The following PPP4R3A variants were observed in gnomAD, a reference collection of about 807,000 sequenced individuals.
The protein encoded by PPP4R3A is serine/threonine-protein phosphatase 4 regulatory subunit 3A.
PPP4R3A carries 15 observed loss-of-function variants against 91.7 expected under a neutral mutation model. The ratio of observed to expected loss-of-function variants is 0.16; its 90% CI spans 0.11 to 0.25. The LOEUF (loss-of-function observed/expected upper bound fraction) is 0.25, where lower values mean the gene tolerates loss of function less well. PPP4R3A is among the 10% of genes least tolerant of loss of function. The probability of loss-of-function intolerance (pLI) is 1.00; values close to 1 mark genes in which losing one functional copy is unlikely to be tolerated. For missense variants in PPP4R3A, 623 were observed against 998.4 expected (o/e 0.62, Z 5.07); for synonymous variants, 377 against 348.7 (o/e 1.08, Z -0.91).
At chr14:91,489,154 G>A (rs769611661) in intron 2 of PPP4R3A, among the ~76,000 whole-genome samples, 6 of 151,988 alleles carry the variant, frequency 3.9e-5, no homozygotes, top group East Asian at 1.9e-4. Flanking sequence ...TGATCCGCCT[G>A]CCTCGGCCTC....
At chr14:91,470,650 T>C (rs899913384) in intron 10 of PPP4R3A, among the ~76,000 whole-genome samples, 187 bp downstream of exon 10, 1 of 152,190 alleles carries the variant, frequency 6.6e-6, no homozygotes, top group African/African-American at 2.4e-5. Flanking sequence ...CCTTACTGTA[T>C]ATTAAGTAAG....
At chr14:91,459,343 C>T (rs1275036822) in intron 14 of PPP4R3A, among the ~76,000 whole-genome samples, 2 of 152,104 alleles carry the variant, frequency 1.3e-5, no homozygotes, top group African/African-American at 2.4e-5. Context: ...TGACCTCAGG[C>T]GATCCACCTA....
chr14:91,470,029 C>T (rs180785975), intron 10 of PPP4R3A, among the ~76,000 whole-genome samples: 4 of 152,070 alleles, frequency 2.6e-5, no homozygotes, highest in Admixed American at 2.0e-4. Context: ...CTAATTAGTG[C>T]ATGACTATGA....
At chr14:91,497,912 G>A (rs1890680665) in intron 1 of PPP4R3A, among the ~76,000 whole-genome samples, 1 of 152,190 alleles carries the variant, frequency 6.6e-6, no homozygotes, top group Admixed American at 6.5e-5. Flanking sequence ...TTTTCAAAAT[G>A]ATACTACAAG....
intron 1 of PPP4R3A, among the ~76,000 whole-genome samples, chr14:91,497,701 TA>T (rs1330104833): frequency 6.6e-6 from 1 of 152,232 alleles, no homozygotes; most frequent in Non-Finnish European, 1.5e-5. Flanking sequence ...CATCTTCACC[TA>T]CCCAACTTTT....
At chr14:91,490,868 A>C in intron 1 of PPP4R3A, 66 bp from the exon 2 acceptor site, 2 of 822,840 alleles carry the variant, frequency 2.4e-6, no homozygotes, top group Non-Finnish European at 3.7e-6. Context: ...TCCCTTACAT[A>C]CACACATATT....
chr14:91,480,459 T>C (rs1332109517), intron 4 of PPP4R3A, among the ~76,000 whole-genome samples: 1 of 152,188 alleles, frequency 6.6e-6, no homozygotes, highest in Non-Finnish European at 1.5e-5. Flanking sequence ...TAGGGATACA[T>C]GCAGTTATAA....
chr14:91,497,999 A>C (rs896718747), intron 1 of PPP4R3A, among the ~76,000 whole-genome samples: 16 of 152,212 alleles, frequency 1.1e-4, no homozygotes, highest in Non-Finnish European at 7.3e-5. Context: ...GAAGCAGATG[A>C]GAATCTTTCT....
At chr14:91,503,916 G>A (rs1308189694) in intron 1 of PPP4R3A, among the ~76,000 whole-genome samples, 1 of 152,156 alleles carries the variant, frequency 6.6e-6, no homozygotes, top group Non-Finnish European at 1.5e-5. Flanking sequence ...CATAAAAACT[G>A]AGAGAAATAA....
chr14:91,507,404 T>TG (rs1566660288), intron 1 of PPP4R3A, among the ~76,000 whole-genome samples: 1 of 78,318 alleles, frequency 1.3e-5, no homozygotes, highest in Non-Finnish European at 2.3e-5. Context: ...TGTACTATAA[T>TG]TATATATACT....
Position 91,462,029 on chromosome 14 carries a change from C to T in PPP4R3A, c.2164+20G>A. The T allele has an allele frequency of 1.3e-6, 2 of 1,482,400 alleles. No individual in the cohort carries two copies. The highest frequency in any genetic ancestry group is 1.8e-6 in the Non-Finnish European group (2 of 1,117,272). 91.8% of individuals were successfully genotyped at this position (1,482,400 alleles called of 1,614,324 possible). A position where few individuals can be genotyped will look rare whatever the true frequency, so the allele number is the denominator to read the frequency against. ...GTAAGAAAGCCTTAATTTTCTCTTGCCCATTTTTTTCCAACATACATTTCT... is the reference window on the plus strand; with the variant it reads ...GTAAGAAAGCCTTAATTTTCTCTTGTCCATTTTTTTCCAACATACATTTCT... On this transcript the variant is annotated intron_variant, in intron 13 of 14. Coordinates refer to ENST00000554943, the MANE Select transcript of PPP4R3A (RefSeq NM_001366432.2).
intron 14 of PPP4R3A, among the ~76,000 whole-genome samples, chr14:91,459,419 T>G (rs1340786075): frequency 2.0e-5 from 3 of 151,774 alleles, no homozygotes; most frequent in African/African-American, 7.3e-5. Flanking sequence ...AGCAAAAAAA[T>G]TTAAGTAGTT....
chr14:91,459,231 G>A (rs1051754395), intron 14 of PPP4R3A, among the ~76,000 whole-genome samples: 3 of 151,896 alleles, frequency 2.0e-5, no homozygotes, highest in Non-Finnish European at 2.9e-5. Flanking sequence ...TCAGCCTGCC[G>A]AGTAGCTGTG....
At chr14:91,466,519 G>A in intron 10 of PPP4R3A, 1 of 772,896 alleles carries the variant, frequency 1.3e-6, no homozygotes, top group Non-Finnish European at 1.6e-6. Context: ...ATTATTAACT[G>A]CCTTAACAAT....
intron 2 of PPP4R3A, among the ~76,000 whole-genome samples, chr14:91,490,300 A>G (rs1393286743): frequency 6.6e-6 from 1 of 152,230 alleles, no homozygotes; most frequent in African/African-American, 2.4e-5. Context: ...TCAAAACTGT[A>G]GTATCATAAT....
chr14:91,499,346 G>A (rs1366067300), intron 1 of PPP4R3A, among the ~76,000 whole-genome samples: 1 of 152,096 alleles, frequency 6.6e-6, no homozygotes, highest in Admixed American at 6.6e-5. Flanking sequence ...TTCGAGGAAT[G>A]CTACACTGTG....
intron 1 of PPP4R3A, among the ~76,000 whole-genome samples, chr14:91,507,083 C>T (rs912929240): frequency 7.2e-5 from 11 of 151,892 alleles, no homozygotes; most frequent in African/African-American, 2.7e-4. Flanking sequence ...CTTTGGGAGG[C>T]CGAGGCGGGT....
At chr14:91,479,263 A>G (rs1355916815) in intron 4 of PPP4R3A, among the ~76,000 whole-genome samples, 1 of 151,490 alleles carries the variant, frequency 6.6e-6, no homozygotes, top group Non-Finnish European at 1.5e-5. Flanking sequence ...TATTCTTACA[A>G]TACCACAGGC....
At chr14:91,472,258 C>T (rs1888893689) in intron 9 of PPP4R3A, among the ~76,000 whole-genome samples, 1 of 151,920 alleles carries the variant, frequency 6.6e-6, no homozygotes, top group South Asian at 2.1e-4. Context: ...ATAAAAGTAG[C>T]TTAATATTGT....
Sources: allele counts gnomAD v4.1 joint callset (sites outside exome capture counted in the v4.1 genomes callset), GRCh38; gene constraint gnomAD v4.1.1; transcripts MANE v1.5; gene names NCBI Gene and HGNC (gene_info 2026-07-23, HGNC 2026-07-21).